GBP7: variants seen among roughly 807,000 people sequenced by gnomAD.
GBP7 encodes the protein guanylate-binding protein 7.
In GBP7, 43 loss-of-function variants were observed where a neutral mutation model predicts 61.3. That is an observed-to-expected ratio of 0.70 (90% CI 0.55 to 0.91). The LOEUF is 0.91. GBP7 is among the 40% of genes least tolerant of loss of function. GBP7 has a pLI of 0.00. For missense variants in GBP7, 717 were observed against 740.5 expected (o/e 0.97, Z 0.37); for synonymous variants, 267 against 271.0 (o/e 0.99, Z 0.14).
chr1:89,170,085 C>T (rs991690377), intron 2 of GBP7, among the ~76,000 whole-genome samples: 1 of 152,106 alleles, frequency 6.6e-6, no homozygotes, highest in Non-Finnish European at 1.5e-5. Flanking sequence ...ACCAGTGATC[C>T]CTTTTTACAG....
Position 89,171,879 on chromosome 1 carries a change from C to T in GBP7, c.57G>A (p.Gly19=), listed in dbSNP as rs772329012. 30 of 1,613,728 alleles carry T rather than the reference C, an allele frequency of 1.9e-5. No homozygotes were observed. In the South Asian group the frequency reaches 3.3e-4, roughly 18 times the overall value. Residue 19 remains glycine, a synonymous_variant, in exon 2 of 11, where the codon GGG becomes GGA. Transcript: ENST00000294671. ...GPVCLTENTK[G]HLVVNSEALE... ...GAGCTTCTGAATTCACCACCAGATG[C>T]CCTTTAGTGTTCTCAGTGAGGCACA...
intron 9 of GBP7, among the ~76,000 whole-genome samples, chr1:89,139,430 C>A (rs1250661180): frequency 6.6e-6 from 1 of 152,120 alleles, no homozygotes; most frequent in Non-Finnish European, 1.5e-5. Context: ...GCAACAAAAG[C>A]CAAAATTGAC....
At chr1:89,139,030 C>T (rs1343999113) in intron 9 of GBP7, among the ~76,000 whole-genome samples, 3 of 152,104 alleles carry the variant, frequency 2.0e-5, no homozygotes, top group Non-Finnish European at 4.4e-5. Context: ...CATTAACAGA[C>T]ATTTATCCAA....
At chr1:89,165,918 A>T (rs556119966) in intron 2 of GBP7, among the ~76,000 whole-genome samples, 1 of 152,242 alleles carries the variant, frequency 6.6e-6, no homozygotes, top group Non-Finnish European at 1.5e-5. Context: ...AAGTACATAT[A>T]TAAAAAGACC....
intron 8 of GBP7, 148 bp from the exon 9 acceptor site, chr1:89,141,796 G>T (rs6666846): frequency 0.66 from 403,247 of 611,536 alleles, 135,275 homozygotes; most frequent in East Asian, 0.78. Flanking sequence ...TCCTTCCACA[G>T]CCACAATAAA....
Position 89,162,839 on chromosome 1 carries a change from C to T in GBP7, c.318+1892G>A, listed in dbSNP as rs146054013. Among the ~76,000 whole-genome samples the T allele has an allele frequency of 4.9e-3, 741 of 152,210 alleles. 4 individuals carry two copies. The highest frequency in any genetic ancestry group is 0.016 in the African/African-American group (683 of 41,526). On this transcript the variant is annotated intron_variant, in intron 3 of 10. Coordinates refer to ENST00000294671, the MANE Select transcript of GBP7 (RefSeq NM_207398.3). ...GAGAGAGGGCATCCTTGTCTTGTGC[C>T]GGTTTTCAAGAGGAATGCTTCCAGC... is the stretch of plus-strand genomic sequence containing the variant.
intron 5 of GBP7, 28 bp from the exon 6 acceptor site, chr1:89,150,603 T>C (rs199828995): frequency 1.7e-4 from 270 of 1,610,246 alleles, no homozygotes; most frequent in Non-Finnish European, 2.1e-4. Context: ...AAGTGACTAC[T>C]GAAGAACAGG....
intron 8 of GBP7, among the ~76,000 whole-genome samples, chr1:89,144,503 G>A (rs1412995053): frequency 6.6e-6 from 1 of 152,190 alleles, no homozygotes; most frequent in Admixed American, 6.5e-5. Flanking sequence ...CCCACTAGCA[G>A]TGTATAAGCG....
At chr1:89,160,576 G>A (rs1041253834) in intron 3 of GBP7, among the ~76,000 whole-genome samples, 1 of 152,032 alleles carries the variant, frequency 6.6e-6, no homozygotes, top group Non-Finnish European at 1.5e-5. Context: ...ATATTTCATA[G>A]GGTCGTTGTA....
chr1:89,162,416 A>G (rs1215576019), intron 3 of GBP7, among the ~76,000 whole-genome samples: 2 of 152,184 alleles, frequency 1.3e-5, no homozygotes, highest in African/African-American at 2.4e-5. Context: ...TGAGGAAGGA[A>G]TGTTTTTCCA....
intron 2 of GBP7, among the ~76,000 whole-genome samples, chr1:89,166,303 A>T (rs1183108384): frequency 6.6e-6 from 1 of 152,104 alleles, no homozygotes; most frequent in African/African-American, 2.4e-5. Context: ...CAAATAGAGG[A>T]GATTCTGACA....
chr1:89,147,843 A>T (rs1682104424), intron 7 of GBP7, 64 bp from the exon 8 acceptor site: 5 of 1,538,324 alleles, frequency 3.3e-6, no homozygotes, highest in Admixed American at 1.7e-5. Flanking sequence ...TCCAACTGTG[A>T]TCCTCTTGGA....
At chr1:89,160,100 C>G (rs1682403881) in intron 3 of GBP7, among the ~76,000 whole-genome samples, 1 of 152,118 alleles carries the variant, frequency 6.6e-6, no homozygotes, top group East Asian at 1.9e-4. Flanking sequence ...TTTGAGCAAA[C>G]TATCACAAGG....
In GBP7 at chr1:89,166,894, T is replaced by C. The variant is rs144713364; in HGVS notation, c.191-2036A>G. ...GGCAAGAGCCAGCACACATATTAAG[T>C]CCTGTGAGTAAGCTCCTGTAAACAA... On this transcript the variant is annotated intron_variant, in intron 2 of 10. Transcript: ENST00000294671. Among the ~76,000 whole-genome samples, 739 of 152,330 alleles carry C rather than the reference T, an allele frequency of 4.9e-3. 4 individuals carry two copies. The highest frequency in any genetic ancestry group is 0.016 in the African/African-American group (683 of 41,572).
At chr1:89,159,531 C>A (rs1682387786) in intron 3 of GBP7, among the ~76,000 whole-genome samples, 1 of 151,534 alleles carries the variant, frequency 6.6e-6, no homozygotes, top group Admixed American at 6.6e-5. Flanking sequence ...AATCAAACAA[C>A]CCCATCAAAA....
intron 9 of GBP7, among the ~76,000 whole-genome samples, chr1:89,138,252 A>G (rs1472332091): frequency 1.3e-5 from 2 of 152,146 alleles, no homozygotes; most frequent in Non-Finnish European, 2.9e-5. Context: ...TACATATTCA[A>G]TGCTATTCCT....
chr1:89,155,797 A>G (rs1332765940), intron 3 of GBP7, among the ~76,000 whole-genome samples: 1 of 152,254 alleles, frequency 6.6e-6, no homozygotes, highest in Non-Finnish European at 1.5e-5. Context: ...GATATTATCC[A>G]GGAGAACTTC....
chr1:89,174,759 T>A (rs1647696181), intron 1 of GBP7, among the ~76,000 whole-genome samples: 1 of 152,202 alleles, frequency 6.6e-6, no homozygotes, highest in Admixed American at 6.5e-5. Flanking sequence ...ACTCTGTTGA[T>A]TTTTGACTTG....
intron 3 of GBP7, among the ~76,000 whole-genome samples, chr1:89,155,605 C>T (rs908103019): frequency 1.3e-5 from 2 of 151,994 alleles, no homozygotes; most frequent in Non-Finnish European, 2.9e-5. Context: ...GAAAGGGTAA[C>T]AGTGATTGAA....
Sources: allele counts gnomAD v4.1 joint callset (sites outside exome capture counted in the v4.1 genomes callset), GRCh38; gene constraint gnomAD v4.1.1; transcripts MANE v1.5; gene names NCBI Gene and HGNC (gene_info 2026-07-23, HGNC 2026-07-21).